The following NUP98 variants were observed in gnomAD, a reference collection of about 807,000 sequenced individuals.
NUP98 encodes nuclear pore complex protein Nup98-Nup96.
A neutral mutation model predicts 191.9 loss-of-function variants in NUP98; 26 were observed. The ratio of observed to expected loss-of-function variants is 0.14; its 90% CI spans 0.10 to 0.19. The LOEUF is 0.19. Among genes scored for constraint, NUP98 ranks in the 10% least tolerant of loss-of-function variants. The probability of loss-of-function intolerance (pLI) is 1.00; values close to 1 mark genes in which losing one functional copy is unlikely to be tolerated. For missense variants in NUP98, 1,941 were observed against 2,178.8 expected, an observed-to-expected ratio of 0.89 and a Z score of 2.17; for synonymous variants, 808 against 778.4, an observed-to-expected ratio of 1.04 and a Z score of -0.63.
chr11:3,752,121 G>T (rs550017048), intron 11 of NUP98, among the ~76,000 whole-genome samples: 1 of 148,142 alleles, frequency 6.8e-6, no homozygotes, highest in Admixed American at 6.7e-5. Flanking sequence ...TCCAGCCTGG[G>T]GGACGGAGCA....
chr11:3,683,916 T>C (rs2078056975), intron 29 of NUP98, among the ~76,000 whole-genome samples: 1 of 152,074 alleles, frequency 6.6e-6, no homozygotes, highest in Non-Finnish European at 1.5e-5. Context: ...TTTTTAAAAA[T>C]GACAGCACTG....
chr11:3,711,207 T>G (rs1371483517), intron 20 of NUP98, among the ~76,000 whole-genome samples: 1 of 151,988 alleles, frequency 6.6e-6, no homozygotes, highest in African/African-American at 2.4e-5. Context: ...ACTGCACCAG[T>G]GCACTACAGC....
intron 28 of NUP98, 49 bp downstream of exon 28, chr11:3,691,298 T>C (rs1374376139): frequency 6.2e-7 from 1 of 1,611,696 alleles, no homozygotes; most frequent in East Asian, 2.2e-5. Flanking sequence ...AGGACTCCCC[T>C]GGGGCTCATG....
In NUP98 at chr11:3,707,738, C is replaced by CAAAAAAAAAAAAAAAAAAAAAAAA. The variant is rs560101220; in HGVS notation, c.2743-1112_2743-1111insTTTTTTTTTTTTTTTTTTTTTTTT. ...TGGGCAACAGAATGAGACTCTGTCT[C>CAAAAAAAAAAAAAAAAAAAAAAAA]AAAAAAAAAAAAAAAATCCTGAAGG... is the stretch of plus-strand genomic sequence containing the variant. On this transcript the variant is annotated intron_variant, in intron 20 of 32. Transcript: ENST00000324932. Among the ~76,000 whole-genome samples the CAAAAAAAAAAAAAAAAAAAAAAAA allele has an allele frequency of 7.6e-4, 37 of 48,540 alleles. 7 individuals carry two copies. In the East Asian group the frequency reaches 1.0e-2, roughly 13 times the overall value. 31.8% of individuals were successfully genotyped at this position (48,540 alleles called of 152,430 possible).
rs375880092 is a variant in NUP98 at position 3,735,193 on chromosome 11, C to T, written c.1540G>A (p.Glu514Lys). 53 of 1,579,730 alleles carry T rather than the reference C, an allele frequency of 3.4e-5. No individual in the cohort carries two copies. The highest frequency in any genetic ancestry group is 4.6e-5 in the Non-Finnish European group (53 of 1,162,808). Residue 514 changes from glutamate to lysine, a missense_variant and splice_region_variant, in exon 13 of 33, where the codon GAG (glutamate) becomes AAG (lysine). By Grantham distance (56) the Glu-to-Lys change is moderately conservative. Around this residue, in one of 6 missense-constraint regions of NUP98, gnomAD observed 453 missense variants for 438.2 expected, o/e 1.03. Coordinates refer to ENST00000324932, the MANE Select transcript of NUP98 (RefSeq NM_016320.5). ...TACAGAAGTATCCTTAAATTTACCT[C>T]TTCCTTCTTCTTAGGGTCTGACATC... Reference protein sequence around the residue: ...NPMSDPKKKEERLKPTNPAAQ... With the variant: ...NPMSDPKKKEKRLKPTNPAAQ...
At position 3,765,575 on chromosome 11, in the gene NUP98, G is replaced by C. The variant is rs143672182; in HGVS notation, c.949-2536C>G. ...AGCACTTTGAGAGGCTGAGGCAGTC[G>C]GATCATTTGAGGTCAGGTGTTCAAG... On this transcript the variant is annotated intron_variant, in intron 8 of 32. Coordinates refer to ENST00000324932, the MANE Select transcript of NUP98 (RefSeq NM_016320.5). Among the ~76,000 whole-genome samples, 19 of 152,038 alleles carry C rather than the reference G, an allele frequency of 1.2e-4. No individual in the cohort carries two copies. The South Asian group carries it at 4.0e-3, about 32-fold the overall frequency.
chr11:3,749,285 G>A (rs921505267), intron 11 of NUP98, among the ~76,000 whole-genome samples: 21 of 150,592 alleles, frequency 1.4e-4, no homozygotes, highest in African/African-American at 2.4e-4. Flanking sequence ...TCCGCAGTCC[G>A]GCCTGGGCGA....
chr11:3,768,455 C>T, intron 8 of NUP98, 126 bp downstream of exon 8: 1 of 814,418 alleles, frequency 1.2e-6, no homozygotes, highest in Non-Finnish European at 1.8e-6. Flanking sequence ...CTCTTCCCTT[C>T]ATTAAATACC....
chr11:3,678,402 C>T (rs2077884631), intron 31 of NUP98, among the ~76,000 whole-genome samples: 2 of 152,110 alleles, frequency 1.3e-5, no homozygotes, highest in African/African-American at 2.4e-5. Context: ...TGCCTGTAAC[C>T]GTAAAAGACC....
At chr11:3,691,568 T>C in intron 27 of NUP98, 79 bp from the exon 28 acceptor site, 1 of 1,435,956 alleles carries the variant, frequency 7.0e-7, no homozygotes, top group Non-Finnish European at 9.6e-7. Context: ...TTCTTTTTTT[T>C]TTTGAGAGGC....
chr11:3,694,060 G>A (rs1188313755), intron 26 of NUP98, among the ~76,000 whole-genome samples: 3 of 137,124 alleles, frequency 2.2e-5, no homozygotes, highest in African/African-American at 8.5e-5. Flanking sequence ...GTGAAACCCC[G>A]TTTCTATTAA....
chr11:3,757,171 T>C lies in NUP98; in HGVS notation c.1174+3368A>G, dbSNP rs189120545. Among the ~76,000 whole-genome samples, 583 of 149,936 alleles carry C rather than the reference T, an allele frequency of 3.9e-3. 5 individuals carry two copies. Among genetic ancestry groups the C allele is most frequent in the African/African-American group, 0.013 (514 of 40,874 alleles). On this transcript the variant is annotated intron_variant, in intron 10 of 32. Transcript: ENST00000324932. ...TATATATTTTATCAAGTGTAGCCTA[T>C]ACAAACACCCTTATAGTGTTCAGAT...
intron 5 of NUP98, among the ~76,000 whole-genome samples, chr11:3,774,994 C>G (rs1485542076): frequency 6.6e-6 from 1 of 152,194 alleles, no homozygotes; most frequent in Non-Finnish European, 1.5e-5. Flanking sequence ...ATTAGGCTAA[C>G]TGCACCTCCA....
intron 29 of NUP98, among the ~76,000 whole-genome samples, chr11:3,684,573 G>A (rs1181222918): frequency 6.6e-6 from 1 of 151,986 alleles, no homozygotes; most frequent in East Asian, 1.9e-4. Flanking sequence ...CTTTATGACT[G>A]TGTTTAAATA....
intron 28 of NUP98, among the ~76,000 whole-genome samples, 161 bp from the exon 29 acceptor site, chr11:3,686,355 G>C (rs1264045533): frequency 6.6e-6 from 1 of 152,110 alleles, no homozygotes; most frequent in Non-Finnish European, 1.5e-5. Flanking sequence ...TCTATCTCTG[G>C]GTTCAGCCAG....
intron 11 of NUP98, among the ~76,000 whole-genome samples, chr11:3,748,815 T>C (rs2080610153): frequency 6.6e-6 from 1 of 152,170 alleles, no homozygotes; most frequent in South Asian, 2.1e-4. Context: ...ATTCTGAATA[T>C]GTTTAGGGAT....
chr11:3,760,818 C>T (rs1346412828), intron 9 of NUP98, among the ~76,000 whole-genome samples, 192 bp from the exon 10 acceptor site: 2 of 152,064 alleles, frequency 1.3e-5, no homozygotes, highest in African/African-American at 4.8e-5. Flanking sequence ...TTTATAAACA[C>T]GGAATGCTTC....
intron 1 of NUP98, among the ~76,000 whole-genome samples, chr11:3,797,135 G>C (rs143044640): frequency 1.3e-5 from 2 of 152,254 alleles, no homozygotes; most frequent in African/African-American, 2.4e-5. Flanking sequence ...CAACCAGACA[G>C]ACACCCACTC....
At chr11:3,764,734 A>G (rs532145366) in intron 8 of NUP98, among the ~76,000 whole-genome samples, 1 of 152,312 alleles carries the variant, frequency 6.6e-6, no homozygotes, top group South Asian at 2.1e-4. Context: ...GGGCACCACC[A>G]TGCCCGGCTA....
Sources: gnomAD v4.1 joint callset for allele counts (sites outside exome capture counted in the v4.1 genomes callset) on GRCh38, gnomAD v4.1.1 for gene constraint, gnomAD v4.1.1 regional missense constraint, MANE v1.5 for transcripts, NCBI Gene and HGNC (gene_info 2026-07-23, HGNC 2026-07-21) for gene names.